MAP3K13: variants seen among roughly 807,000 people sequenced by gnomAD.
MAP3K13 encodes leucine zipper-bearing kinase.
MAP3K13 carries 52 observed loss-of-function variants against 104.0 expected under a neutral mutation model. The ratio of observed to expected loss-of-function variants is 0.50; its 90% CI spans 0.40 to 0.63. MAP3K13 has a LOEUF of 0.63. MAP3K13 is among the 20% of genes least tolerant of loss of function. The pLI is 0.00. For synonymous variants in MAP3K13, 394 were observed against 442.2 expected (o/e 0.89, Z 1.37); for missense variants, 914 against 1,218.5 (o/e 0.75, Z 3.72).
chr3:185,406,916 G>A (rs184515493), intron 1 of MAP3K13, among the ~76,000 whole-genome samples: 1 of 152,272 alleles, frequency 6.6e-6, no homozygotes. Context: ...AAAAAGCCTT[G>A]AAATGAAAGC....
chr3:185,399,810 G>GAATAAACC (rs1712682967), intron 1 of MAP3K13, among the ~76,000 whole-genome samples: 2 of 151,900 alleles, frequency 1.3e-5, no homozygotes, highest in Non-Finnish European at 2.9e-5. Context: ...GTATAGGAAA[G>GAATAAACC]GATAAACCCT....
chr3:185,378,005 G>C (rs573618935), intron 1 of MAP3K13, among the ~76,000 whole-genome samples: 103 of 151,656 alleles, frequency 6.8e-4, no homozygotes, highest in South Asian at 5.6e-3. Flanking sequence ...AGCTCCTGGG[G>C]TGGGGGGAGG....
Position 185,323,190 on chromosome 3 carries a change from C to T in MAP3K13, c.-86+37547C>T, listed in dbSNP as rs1404443863. On this transcript the variant is annotated intron_variant, in intron 2 of 14. Coordinates refer to the MAP3K13 transcript ENST00000424227. ...GTTAACATCTTACATAACTATGGCT[C>T]ATTTATCAAAATTAAGAAATTAACA... Among the ~76,000 whole-genome samples, 5 of 152,264 alleles carry T rather than the reference C, an allele frequency of 3.3e-5. No homozygotes were observed. The East Asian group carries it at 5.8e-4, about 18-fold the overall frequency.
chr3:185,335,097 C>G (rs1372025881), intron 2 of MAP3K13, among the ~76,000 whole-genome samples: 1 of 150,726 alleles, frequency 6.6e-6, no homozygotes, highest in Non-Finnish European at 1.5e-5. Context: ...ACACTAAAAG[C>G]ACTAACCATA....
chr3:185,380,964 T>G (rs1430801753), intron 1 of MAP3K13, among the ~76,000 whole-genome samples: 10 of 151,522 alleles, frequency 6.6e-5, no homozygotes, highest in African/African-American at 1.9e-4. Context: ...TTTTTGTTTT[T>G]TTTTGTTTTT....
rs1347514965 is a variant in MAP3K13, at chr3:185,455,658, ATATATATAT to A, written c.1278+4264_1278+4272del. On this transcript the variant is annotated intron_variant, in intron 7 of 13. Coordinates refer to ENST00000265026, the MANE Select transcript of MAP3K13 (RefSeq NM_004721.5). ...ATGATATATATGAGATATATATATGATATATATATGATATATATATGAGATATATATATG... is the reference window on the plus strand; with the variant it reads ...ATGATATATATGAGATATATATATGAGATATATATATGAGATATATATATG... Among the ~76,000 whole-genome samples the A allele has an allele frequency of 2.5e-4, 7 of 27,924 alleles. 1 individual carries two copies. The highest frequency in any genetic ancestry group is 5.8e-4 in the Admixed American group (1 of 1,722). The allele number at this position is 27,924 out of a possible 152,430, so 18.3% of individuals were successfully genotyped here.
chr3:185,383,027 A>C (rs1202628115), intron 1 of MAP3K13, among the ~76,000 whole-genome samples: 1 of 116,872 alleles, frequency 8.6e-6, no homozygotes, highest in African/African-American at 3.3e-5. Flanking sequence ...CCAACCCACA[A>C]CAGTCCCCAG....
chr3:185,377,859 C>T (rs1234031287), intron 1 of MAP3K13, among the ~76,000 whole-genome samples: 1 of 152,238 alleles, frequency 6.6e-6, no homozygotes, highest in Non-Finnish European at 1.5e-5. Flanking sequence ...GTTCCAGGGG[C>T]TCTGGGAGTG....
chr3:185,367,176 A>C (rs1225291934), intron 1 of MAP3K13, among the ~76,000 whole-genome samples: 1 of 152,112 alleles, frequency 6.6e-6, no homozygotes, highest in African/African-American at 2.4e-5. Flanking sequence ...TATTTGTTTA[A>C]AAGACTATTC....
In MAP3K13 at chr3:185,317,505, G is replaced by A. The variant is rs918999313; in HGVS notation, c.-86+31862G>A. Among the ~76,000 whole-genome samples the A allele has an allele frequency of 2.0e-5, 3 of 152,218 alleles. No individual in the cohort carries two copies. The South Asian group carries it at 6.2e-4, about 32-fold the overall frequency. ...CTAAAGTAAAACAAAAATGATAAATGCTTTATATTATCTAGACTTTTAGGT... is the reference window on the plus strand; with the variant it reads ...CTAAAGTAAAACAAAAATGATAAATACTTTATATTATCTAGACTTTTAGGT... On this transcript the variant is annotated intron_variant, in intron 2 of 14. Coordinates refer to the MAP3K13 transcript ENST00000424227.
intron 2 of MAP3K13, among the ~76,000 whole-genome samples, chr3:185,331,892 G>A (rs866597486): frequency 6.6e-6 from 1 of 152,058 alleles, no homozygotes. Flanking sequence ...AACATTATAC[G>A]TAATGTTCTA....
At chr3:185,384,028 A>G (rs974832188) in intron 1 of MAP3K13, among the ~76,000 whole-genome samples, 4 of 152,194 alleles carry the variant, frequency 2.6e-5, no homozygotes, top group Non-Finnish European at 5.9e-5. Flanking sequence ...CTGTGCTATC[A>G]AACACTAAAA....
At chr3:185,419,930 C>A (rs1372851877) in intron 1 of MAP3K13, among the ~76,000 whole-genome samples, 1 of 152,078 alleles carries the variant, frequency 6.6e-6, no homozygotes, top group Non-Finnish European at 1.5e-5. Flanking sequence ...CATTTTAAAG[C>A]CTACAATAAA....
At chr3:185,357,963 A>T (rs925885340) in intron 2 of MAP3K13, among the ~76,000 whole-genome samples, 2 of 152,234 alleles carry the variant, frequency 1.3e-5, no homozygotes, top group Admixed American at 6.5e-5. Flanking sequence ...CCTTTAATAT[A>T]AAGATGACTG....
intron 1 of MAP3K13, among the ~76,000 whole-genome samples, chr3:185,427,228 GT>G (rs1312494861): frequency 6.6e-6 from 1 of 151,916 alleles, no homozygotes; most frequent in Non-Finnish European, 1.5e-5. Flanking sequence ...GCTGGGCGTG[GT>G]GGTGCGTGCC....
At chr3:185,392,449 A>G (rs1712119127) in intron 1 of MAP3K13, among the ~76,000 whole-genome samples, 1 of 152,200 alleles carries the variant, frequency 6.6e-6, no homozygotes, top group Non-Finnish European at 1.5e-5. Flanking sequence ...AAGAATTGGG[A>G]GAAGAGAGGC....
chr3:185,345,080 C>A (rs1388138379), intron 2 of MAP3K13, among the ~76,000 whole-genome samples: 1 of 152,146 alleles, frequency 6.6e-6, no homozygotes, highest in Non-Finnish European at 1.5e-5. Flanking sequence ...CCAGGCTGGT[C>A]TTGAACTCCT....
intron 7 of MAP3K13, among the ~76,000 whole-genome samples, chr3:185,455,821 GAT>G (rs1384319328): frequency 2.1e-4 from 21 of 101,018 alleles, no homozygotes; most frequent in South Asian, 3.3e-4. Context: ...ATATATATGA[GAT>G]ATATATGAGA....
upstream of MAP3K13, among the ~76,000 whole-genome samples, chr3:185,361,041 T>A (rs532699740): frequency 1.5e-4 from 23 of 151,610 alleles, no homozygotes; most frequent in Middle Eastern, 3.4e-3. Context: ...TGGCCAGGCT[T>A]GTCTCAAACT....
Sources: gnomAD v4.1 joint callset for allele counts (sites outside exome capture counted in the v4.1 genomes callset) on GRCh38, gnomAD v4.1.1 for gene constraint, MANE v1.5 for transcripts, NCBI Gene and HGNC (gene_info 2026-07-23, HGNC 2026-07-21) for gene names.